The following NCK2 variants were observed in gnomAD, a reference collection of about 807,000 sequenced individuals.
The protein encoded by NCK2 is cytoplasmic protein NCK2.
A neutral mutation model predicts 33.9 loss-of-function variants in NCK2; 16 were observed. That is an observed-to-expected ratio of 0.47 (90% confidence interval 0.32 to 0.72). The LOEUF (loss-of-function observed/expected upper bound fraction) is 0.72, where lower values mean the gene tolerates loss of function less well. Among genes scored for constraint, NCK2 ranks in the 30% least tolerant of loss-of-function variants. NCK2 has a pLI of 0.03. For missense variants in NCK2, 418 were observed against 537.3 expected, an observed-to-expected ratio of 0.78 and a Z score of 2.19; for synonymous variants, 273 against 239.9, an observed-to-expected ratio of 1.14 and a Z score of -1.27.
chr2:105,836,098 T>C (rs1426455464), intron 2 of NCK2, among the ~76,000 whole-genome samples: 2 of 92,266 alleles, frequency 2.2e-5, no homozygotes, highest in African/African-American at 1.4e-4. Flanking sequence ...AGATTCTTTT[T>C]TAGGCATTTT....
chr2:105,880,382 A>G (rs907208891), intron 3 of NCK2, among the ~76,000 whole-genome samples: 1 of 152,210 alleles, frequency 6.6e-6, no homozygotes, highest in African/African-American at 2.4e-5. Context: ...ACTCATCACA[A>G]TCTGTTGTGG....
chr2:105,875,767 T>C, intron 3 of NCK2, among the ~76,000 whole-genome samples: 1 of 152,234 alleles, frequency 6.6e-6, no homozygotes, highest in Non-Finnish European at 1.5e-5. Flanking sequence ...GTAATTTTAC[T>C]TTATAAGTCA....
chr2:105,752,905 G>A (rs970505798), intron 1 of NCK2, among the ~76,000 whole-genome samples: 1 of 151,974 alleles, frequency 6.6e-6, no homozygotes. Context: ...CTCCCACACG[G>A]ACACAGACAC....
At position 105,875,946 on chromosome 2, in the gene NCK2, A is replaced by G. The variant is rs989676247; in HGVS notation, c.227-5382A>G. Among the ~76,000 whole-genome samples the G allele has an allele frequency of 4.6e-5, 7 of 152,222 alleles. No homozygotes were observed. In the South Asian group the frequency reaches 6.2e-4, roughly 14 times the overall value. ...ATCCTGCTCACTGCTGAGCATGTCTATGAAACAGCATCTTGCTTTTTTTTT... is the reference window on the plus strand; with the variant it reads ...ATCCTGCTCACTGCTGAGCATGTCTGTGAAACAGCATCTTGCTTTTTTTTT... On this transcript the variant is annotated intron_variant, in intron 3 of 4. Transcript: ENST00000233154.
chr2:105,800,348 A>G (rs1342719607), intron 1 of NCK2, among the ~76,000 whole-genome samples: 1 of 152,198 alleles, frequency 6.6e-6, no homozygotes, highest in Non-Finnish European at 1.5e-5. Flanking sequence ...ATTGATTGAG[A>G]TAGTGCATAA....
intron 1 of NCK2, among the ~76,000 whole-genome samples, chr2:105,797,940 C>T (rs1197772976): frequency 1.3e-5 from 2 of 152,138 alleles, no homozygotes; most frequent in East Asian, 1.9e-4. Context: ...AGTGTTTAAT[C>T]GTCCCAAGTC....
At chr2:105,880,934 T>G (rs2104657939) in intron 3 of NCK2, among the ~76,000 whole-genome samples, 1 of 119,956 alleles carries the variant, frequency 8.3e-6, no homozygotes, top group African/African-American at 3.2e-5. Flanking sequence ...CACAGGTGGC[T>G]AATTTTTTTT....
At chr2:105,892,733 G>C (rs12712223) in intron 4 of NCK2, among the ~76,000 whole-genome samples, 142,287 of 152,022 alleles carry the variant, frequency 0.94, 66,657 homozygotes, top group East Asian at 0.98. Flanking sequence ...GTAATCCCAG[G>C]TACTCGGGAG....
At chr2:105,763,746 G>A (rs140535294) in intron 1 of NCK2, among the ~76,000 whole-genome samples, 6 of 152,276 alleles carry the variant, frequency 3.9e-5, no homozygotes, top group African/African-American at 7.2e-5. Context: ...ATTCTCAGCC[G>A]TGTTGTGGCA....
At chr2:105,887,251 A>T (rs1010531597) in intron 4 of NCK2, among the ~76,000 whole-genome samples, 1 of 152,248 alleles carries the variant, frequency 6.6e-6, no homozygotes, top group Admixed American at 6.5e-5. Flanking sequence ...ATTTGCCTCT[A>T]ACCCATTTGT....
rs1179830468 is a variant in NCK2, at chr2:105,881,784, C to T, written c.683C>T (p.Pro228Leu). The stretch of plus-strand genomic sequence containing the variant: ...GAGACCATGGAGGTGATTGAGAAGC[C>T]GGAGAACGACCCCGAGTGGTGGAAA... ...KGETMEVIEK[P>L]ENDPEWWKCK... The change falls in exon 4 of 5, where the codon CCG becomes CTG. Residue 228 changes from proline to leucine, a missense_variant. Coordinates refer to ENST00000233154, the MANE Select transcript of NCK2 (RefSeq NM_003581.5). 1.2e-6 allele frequency: 2 copies of T among 1,613,686 alleles called. No homozygotes were observed. Among genetic ancestry groups the T allele is most frequent in the African/African-American group, 1.3e-5 (1 of 74,934 alleles).
At chr2:105,847,839 A>G (rs1247901981) in intron 2 of NCK2, among the ~76,000 whole-genome samples, 1 of 152,188 alleles carries the variant, frequency 6.6e-6, no homozygotes, top group African/African-American at 2.4e-5. Flanking sequence ...GGTTGCATCA[A>G]AGCTTTTCTA....
At chr2:105,889,021 C>T (rs1335330531) in intron 4 of NCK2, among the ~76,000 whole-genome samples, 2 of 152,176 alleles carry the variant, frequency 1.3e-5, no homozygotes, top group Non-Finnish European at 2.9e-5. Flanking sequence ...CTTTTTCATC[C>T]AATTTCTTGA....
At chr2:105,851,758 T>C (rs1029060139) in intron 2 of NCK2, 1 of 152,366 alleles carries the variant, frequency 6.6e-6, no homozygotes, top group African/African-American at 2.4e-5. Context: ...TGGTGTGACT[T>C]AGTTTTTGAT....
intron 3 of NCK2, among the ~76,000 whole-genome samples, chr2:105,864,874 C>T (rs1020751455): frequency 4.1e-5 from 6 of 145,342 alleles, no homozygotes; most frequent in East Asian, 4.2e-4. Context: ...CACACACACA[C>T]GGTTCCCTGC....
At chr2:105,784,718 C>T (rs1261023034) in intron 1 of NCK2, among the ~76,000 whole-genome samples, 1 of 152,174 alleles carries the variant, frequency 6.6e-6, no homozygotes, top group African/African-American at 2.4e-5. Context: ...CAAACTTGCC[C>T]CTGGAGGAGC....
intron 1 of NCK2, among the ~76,000 whole-genome samples, chr2:105,799,334 T>G (rs965384899): frequency 6.6e-6 from 1 of 152,224 alleles, no homozygotes; most frequent in African/African-American, 2.4e-5. Flanking sequence ...TCTATACTTT[T>G]ACTTTTTCAT....
chr2:105,770,660 A>G (rs1224483766), intron 1 of NCK2, among the ~76,000 whole-genome samples: 2 of 152,254 alleles, frequency 1.3e-5, no homozygotes, highest in African/African-American at 2.4e-5. Context: ...TGTGAATCAC[A>G]GAGTGCTATA....
At chr2:105,806,427 C>T (rs748304411) in intron 1 of NCK2, among the ~76,000 whole-genome samples, 36 of 152,078 alleles carry the variant, frequency 2.4e-4, no homozygotes, top group Non-Finnish European at 4.1e-4. Context: ...TTAGTAGAGA[C>T]GGGGTTTCAC....
Sources: gnomAD v4.1 joint callset for allele counts (sites outside exome capture counted in the v4.1 genomes callset) on GRCh38, gnomAD v4.1.1 for gene constraint, MANE v1.5 for transcripts, NCBI Gene and HGNC (gene_info 2026-07-23, HGNC 2026-07-21) for gene names.